The following GET1 variants were observed in gnomAD, a reference collection of about 807,000 sequenced individuals.
GET1 encodes guided entry of tail-anchored proteins factor 1, also known as congenital heart disease 5 protein.
A neutral mutation model predicts 22.6 loss-of-function variants in GET1; 20 were observed. The ratio of observed to expected loss-of-function variants is 0.89; its 90% CI spans 0.62 to 1.29. GET1 has a LOEUF of 1.29. Among genes scored for constraint, GET1 ranks in the 50% most tolerant of loss-of-function variants. The pLI is 0.00. For missense variants in GET1, 209 were observed against 219.9 expected (o/e 0.95, Z 0.31); for synonymous variants, 92 against 83.8 (o/e 1.10, Z -0.53).
At chr21:39,401,303 T>A (rs942462010), downstream of GET1, among the ~76,000 whole-genome samples, 1 of 152,152 alleles carries the variant, frequency 6.6e-6, no homozygotes, top group Non-Finnish European at 1.5e-5. Flanking sequence ...CTGCCTCAGC[T>A]TCCCAGAGTG....
chr21:39,400,411 G>A (rs1290101421), downstream of GET1, among the ~76,000 whole-genome samples: 1 of 152,222 alleles, frequency 6.6e-6, no homozygotes, highest in African/African-American at 2.4e-5. Context: ...TAGGGCCAGA[G>A]ACTATTCCTT....
intron 4 of GET1, among the ~76,000 whole-genome samples, chr21:39,405,140 T>C (rs1234267876): frequency 6.6e-6 from 1 of 152,176 alleles, no homozygotes; most frequent in African/African-American, 2.4e-5. Flanking sequence ...GCCTATTTTT[T>C]TTTTTTAGTA....
intron 3 of GET1, 199 bp from the exon 4 acceptor site, chr21:39,392,967 T>C (rs2038404365): frequency 1.9e-6 from 1 of 530,528 alleles, no homozygotes; most frequent in Non-Finnish European, 3.4e-6. Flanking sequence ...TTAATTTGAC[T>C]TTCTCATTCA....
chr21:39,425,572 G>T (rs989042039), intron 1 of GET1, among the ~76,000 whole-genome samples: 1 of 152,168 alleles, frequency 6.6e-6, no homozygotes, highest in African/African-American at 2.4e-5. Context: ...CTACTAGAAG[G>T]CCTGCGAAGA....
intron 1 of GET1, among the ~76,000 whole-genome samples, chr21:39,385,117 G>C (rs1262708733): frequency 6.6e-6 from 1 of 152,132 alleles, no homozygotes; most frequent in African/African-American, 2.4e-5. Context: ...ATTCAAGTGG[G>C]AAAGACTCAT....
chr21:39,410,189 T>A, downstream of GET1: 1 of 1,246,380 alleles, frequency 8.0e-7, no homozygotes, highest in Non-Finnish European at 1.2e-6. Context: ...ACTTTTCACA[T>A]AGAACAAGTG....
In GET1 at chr21:39,391,575, A is replaced by G. The variant is rs1281357286; in HGVS notation, c.269-194A>G. On this transcript the variant is annotated intron_variant, in intron 2 of 4. Coordinates refer to ENST00000649170, the MANE Select transcript of GET1 (RefSeq NM_004627.6). ...ATTCAAATCTCAATCTGAGTCGGATACTATTTTAAATAATGGCATAATGAG... is the reference window on the plus strand; with the variant it reads ...ATTCAAATCTCAATCTGAGTCGGATGCTATTTTAAATAATGGCATAATGAG... 5 of 571,170 alleles carry G rather than the reference A, an allele frequency of 8.8e-6. No individual in the cohort carries two copies. The Admixed American group carries it at 1.3e-4, about 15-fold the overall frequency. 35.4% of individuals were successfully genotyped at this position (571,170 alleles called of 1,614,324 possible).
At chr21:39,386,268 C>T (rs1361703236) in intron 1 of GET1, 3 of 152,522 alleles carry the variant, frequency 2.0e-5, no homozygotes, top group African/African-American at 7.2e-5. Context: ...CCCCCACACC[C>T]TTTTCCTCAG....
chr21:39,410,796 T>C (rs536150284), downstream of GET1: 14 of 469,948 alleles, frequency 3.0e-5, no homozygotes, highest in African/African-American at 1.6e-4. Context: ...AAGGAAATTA[T>C]ATCATTTAAA....
chr21:39,385,260 C>T (rs1308848461), intron 1 of GET1, among the ~76,000 whole-genome samples: 1 of 152,164 alleles, frequency 6.6e-6, no homozygotes, highest in Non-Finnish European at 1.5e-5. Context: ...AGGCAGCACC[C>T]CGATCTCAGC....
intron 1 of GET1, chr21:39,423,590 C>A: frequency 2.0e-6 from 2 of 983,792 alleles, no homozygotes; most frequent in South Asian, 3.7e-5. Context: ...TGCACACACA[C>A]CACACACATA....
intron 3 of GET1, chr21:39,392,069 A>G: frequency 2.0e-6 from 1 of 504,216 alleles, no homozygotes; most frequent in Non-Finnish European, 3.5e-6. Flanking sequence ...ATGGACTGTG[A>G]AGTAAGTTCT....
intron 1 of GET1, chr21:39,413,781 C>T (rs746495558): frequency 6.6e-6 from 1 of 152,174 alleles, no homozygotes; most frequent in Non-Finnish European, 1.5e-5. Context: ...TTCATCCACA[C>T]TGGTTAGGAA....
intron 1 of GET1, among the ~76,000 whole-genome samples, chr21:39,390,357 G>A (rs563653760): frequency 5.9e-5 from 9 of 152,258 alleles, no homozygotes; most frequent in African/African-American, 1.7e-4. Context: ...CGGCAGTCCC[G>A]GGACAGCCAG....
downstream of GET1, among the ~76,000 whole-genome samples, chr21:39,399,343 T>TG (rs914864432): frequency 1.4e-4 from 21 of 152,360 alleles, no homozygotes; most frequent in African/African-American, 4.8e-4. Context: ...GAAAAACCTA[T>TG]GACTCCATAG....
At chr21:39,414,496 T>G (rs1234898967) in intron 1 of GET1, among the ~76,000 whole-genome samples, 9 of 152,132 alleles carry the variant, frequency 5.9e-5, no homozygotes, top group African/African-American at 2.2e-4. Context: ...AACTATGACT[T>G]TCGTTAATGT....
downstream of GET1, among the ~76,000 whole-genome samples, chr21:39,409,171 G>A (rs555836728): frequency 1.8e-4 from 27 of 151,974 alleles, no homozygotes; most frequent in Non-Finnish European, 3.5e-4. This position sits in a 1 kb window ranked among gnomAD's most constrained non-coding sequence, Gnocchi z 4.2. Context: ...CTCTCTCCCC[G>A]ACTCTCCTCG....
chr21:39,394,830 C>T (rs1198373768), intron 4 of GET1, among the ~76,000 whole-genome samples: 1 of 152,170 alleles, frequency 6.6e-6, no homozygotes, highest in Non-Finnish European at 1.5e-5. Context: ...GGGATACAAA[C>T]ATTCAGACCA....
intron 1 of GET1, among the ~76,000 whole-genome samples, chr21:39,419,893 A>G (rs1441911086): frequency 6.6e-6 from 1 of 152,234 alleles, no homozygotes; most frequent in Non-Finnish European, 1.5e-5. Context: ...AATATTTTAA[A>G]AATTCTTATT....
Sources: gnomAD v4.1 joint callset for allele counts (sites outside exome capture counted in the v4.1 genomes callset) on GRCh38, gnomAD v4.1.1 for gene constraint, Gnocchi (gnomAD v3.1) non-coding constraint, MANE v1.5 for transcripts, NCBI Gene and HGNC (gene_info 2026-07-23, HGNC 2026-07-21) for gene names.